The following THSD7B variants were observed in gnomAD, a reference collection of about 807,000 sequenced individuals.
THSD7B encodes the protein thrombospondin type-1 domain-containing protein 7B.
A neutral mutation model predicts 213.6 loss-of-function variants in THSD7B; 138 were observed. The ratio of observed to expected loss-of-function variants is 0.65; its 90% CI spans 0.56 to 0.74. The LOEUF (loss-of-function observed/expected upper bound fraction) is 0.74, where lower values mean the gene tolerates loss of function less well. Among genes scored for constraint, THSD7B ranks in the 30% least tolerant of loss-of-function variants. The probability of loss-of-function intolerance (pLI) is 0.00; values close to 1 mark genes in which losing one functional copy is unlikely to be tolerated. For missense variants in THSD7B, 1,931 were observed against 1,991.5 expected (o/e 0.97, Z 0.58); for synonymous variants, 742 against 687.0 (o/e 1.08, Z -1.25).
intron 20 of THSD7B, among the ~76,000 whole-genome samples, chr2:137,622,517 C>CA (rs879546228): frequency 2.0e-5 from 3 of 151,828 alleles, no homozygotes; most frequent in African/African-American, 7.3e-5. Context: ...GAAAACCCTT[C>CA]AAAAAAATCA....
chr2:136,773,340 C>T (rs1014128286), intron 1 of THSD7B, among the ~76,000 whole-genome samples: 4 of 151,728 alleles, frequency 2.6e-5, no homozygotes, highest in African/African-American at 9.7e-5. Context: ...TGATTTGCGC[C>T]AAGTCGGGAG....
intron 4 of THSD7B, among the ~76,000 whole-genome samples, chr2:137,110,600 G>A (rs1463118146): frequency 6.6e-6 from 1 of 152,212 alleles, no homozygotes; most frequent in Non-Finnish European, 1.5e-5. Flanking sequence ...TTTAGAATGA[G>A]CAGGGAGCAA....
chr2:137,157,959 T>C (rs1679942213), intron 5 of THSD7B, among the ~76,000 whole-genome samples: 2 of 152,220 alleles, frequency 1.3e-5, no homozygotes, highest in Non-Finnish European at 2.9e-5. Context: ...TGCTAACATG[T>C]ATAAGACCAG....
Position 137,572,353 on chromosome 2 carries a change from T to A in THSD7B, c.3273-53T>A, listed in dbSNP as rs78472342. On this transcript the variant is annotated intron_variant, in intron 16 of 27. Transcript: ENST00000409968. ...TATGATACATCATAACTATTTTAAA[T>A]ATACTCTCCACTGTTTTAAATAATC... The A allele has an allele frequency of 0.011, 17,273 of 1,590,062 alleles. 601 individuals are homozygous for A. In the African/African-American group the frequency reaches 0.12, roughly 11 times the overall value.
chr2:137,570,348 G>T (rs778741822), intron 16 of THSD7B, among the ~76,000 whole-genome samples: 1 of 151,634 alleles, frequency 6.6e-6, no homozygotes, highest in Admixed American at 6.6e-5. Context: ...TCGCCCTGTC[G>T]TCCAGGCTGG....
At chr2:136,911,524 A>G (rs892587541) in intron 2 of THSD7B, among the ~76,000 whole-genome samples, 1 of 152,244 alleles carries the variant, frequency 6.6e-6, no homozygotes, top group Admixed American at 6.5e-5. Context: ...TAGCAGTTTC[A>G]TTAAGGAAGG....
At chr2:137,425,662 C>T (rs11681823) in intron 14 of THSD7B, among the ~76,000 whole-genome samples, 100,051 of 152,040 alleles carry the variant, frequency 0.66, 33,791 homozygotes, top group East Asian at 0.84. Flanking sequence ...CTGTGGATTC[C>T]GAGGGTTGAT....
At chr2:137,480,123 C>T (rs1321040097) in intron 15 of THSD7B, among the ~76,000 whole-genome samples, 2 of 152,154 alleles carry the variant, frequency 1.3e-5, no homozygotes, top group African/African-American at 4.8e-5. Flanking sequence ...TGTCATTTCT[C>T]TCTTGAATCC....
chr2:137,586,306 C>T (rs897194795), intron 17 of THSD7B, among the ~76,000 whole-genome samples: 1 of 152,104 alleles, frequency 6.6e-6, no homozygotes, highest in Non-Finnish European at 1.5e-5. Context: ...CAGTCTGTGT[C>T]TTTTAACTGG....
At chr2:137,203,991 T>G (rs1680930965) in intron 7 of THSD7B, among the ~76,000 whole-genome samples, 1 of 152,028 alleles carries the variant, frequency 6.6e-6, no homozygotes, top group African/African-American at 2.4e-5. Context: ...GAAAGAAATA[T>G]ATCCATAGAC....
intron 5 of THSD7B, among the ~76,000 whole-genome samples, chr2:137,129,533 G>A (rs1688688910): frequency 6.6e-6 from 1 of 151,810 alleles, no homozygotes; most frequent in African/African-American, 2.4e-5. Flanking sequence ...TCAGCCTCCT[G>A]GGCTCAGGTG....
Position 137,572,554 on chromosome 2 carries a change from C to G in THSD7B, c.3421C>G (p.Gln1141Glu). Residue 1141 changes from glutamine to glutamate, a missense_variant and splice_region_variant, in exon 17 of 28, where the codon CAG (glutamine) becomes GAG (glutamate). Transcript: ENST00000409968. ...GTGGGGACTTTGGAGCAAATGCCCA[C>G]AGGTAATTTCTCTTTCTTTGTCAAT... ...SEWGLWSKCP[Q>E]SCDPHTMQRR... The G allele has an allele frequency of 6.2e-7, 1 of 1,613,638 alleles. No individual in the cohort carries two copies. Among genetic ancestry groups the G allele is most frequent in the Admixed American group, 1.7e-5 (1 of 60,004 alleles).
At chr2:137,079,489 G>A (rs1157107112) in intron 3 of THSD7B, among the ~76,000 whole-genome samples, 1 of 152,038 alleles carries the variant, frequency 6.6e-6, no homozygotes, top group Non-Finnish European at 1.5e-5. Context: ...CTCTTCTAAT[G>A]CTTTTTGTCT....
intron 16 of THSD7B, among the ~76,000 whole-genome samples, chr2:137,568,091 G>A (rs1391125140): frequency 2.6e-5 from 4 of 152,152 alleles, no homozygotes; most frequent in Non-Finnish European, 4.4e-5. Flanking sequence ...ACTGAGATAA[G>A]AATTCACCAT....
chr2:137,439,612 G>C (rs1433974341), intron 14 of THSD7B, among the ~76,000 whole-genome samples: 1 of 152,122 alleles, frequency 6.6e-6, no homozygotes, highest in Admixed American at 6.5e-5. Context: ...TTACCAGAGA[G>C]CTGTGTAAAT....
intron 14 of THSD7B, among the ~76,000 whole-genome samples, chr2:137,432,288 G>A (rs903644644): frequency 1.3e-5 from 2 of 152,190 alleles, no homozygotes; most frequent in Non-Finnish European, 2.9e-5. Context: ...CTACTCGGGA[G>A]GCTGAGGCAG....
At chr2:137,258,936 T>G (rs976057954) in intron 10 of THSD7B, among the ~76,000 whole-genome samples, 6 of 151,886 alleles carry the variant, frequency 4.0e-5, no homozygotes, top group African/African-American at 1.5e-4. Context: ...ACATGCGGTG[T>G]TTGGTCTTCT....
At chr2:136,854,110 A>G (rs1283474448) in intron 1 of THSD7B, among the ~76,000 whole-genome samples, 2 of 152,176 alleles carry the variant, frequency 1.3e-5, no homozygotes, top group Non-Finnish European at 2.9e-5. Flanking sequence ...TCAATACCAG[A>G]TCAGGTTACT....
chr2:137,317,098 T>C (rs1476656353), intron 12 of THSD7B, among the ~76,000 whole-genome samples: 1 of 152,230 alleles, frequency 6.6e-6, no homozygotes, highest in Non-Finnish European at 1.5e-5. Flanking sequence ...GACAGTTTTT[T>C]CCTGGTGATG....
Sources: gnomAD v4.1 joint callset for allele counts (sites outside exome capture counted in the v4.1 genomes callset) on GRCh38, gnomAD v4.1.1 for gene constraint, MANE v1.5 for transcripts, NCBI Gene and HGNC (gene_info 2026-07-23, HGNC 2026-07-21) for gene names.